Variants in BLTP3B observed in about 807,000 individuals in gnomAD.
BLTP3B encodes the protein UHRF1 (ICBP90) binding protein 1-like.
the BLTP3B span, among the ~76,000 whole-genome samples, chr12:100,113,636 T>G: frequency 6.6e-6 from 1 of 151,934 alleles, no homozygotes; most frequent in Non-Finnish European, 1.5e-5. Context: ...ATATGAGTAA[T>G]AACTCAGTAA....
At chr12:100,048,315 C>T in the BLTP3B span, 3 of 1,113,054 alleles carry the variant, frequency 2.7e-6, no homozygotes, top group South Asian at 2.0e-5. Context: ...TTAAATGATA[C>T]TCTATAGTAC....
At chr12:100,139,631 A>G in the BLTP3B span, among the ~76,000 whole-genome samples, 69 of 152,306 alleles carry the variant, frequency 4.5e-4, no homozygotes, top group Non-Finnish European at 7.6e-4. Flanking sequence ...AATCTATAAG[A>G]ATATTGGCAG....
the BLTP3B span, chr12:100,060,079 T>G: frequency 1.3e-3 from 1,945 of 1,499,864 alleles, 29 homozygotes; most frequent in African/African-American, 0.026. Flanking sequence ...AATTTTTAAT[T>G]GGATGGTTCT....
chr12:100,097,490 C>G, the BLTP3B span: 1 of 1,610,712 alleles, frequency 6.2e-7, no homozygotes, highest in African/African-American at 1.3e-5. Context: ...CAATTTATTT[C>G]TTTAAAAGTC....
the BLTP3B span, among the ~76,000 whole-genome samples, chr12:100,056,815 C>A: frequency 6.7e-6 from 1 of 148,244 alleles, no homozygotes. Flanking sequence ...CCAGCCTGGG[C>A]GACAGAGTGA....
the BLTP3B span, chr12:100,098,296 T>C: frequency 6.7e-7 from 1 of 1,498,208 alleles, no homozygotes; most frequent in South Asian, 1.3e-5. Context: ...TTTTTAATCG[T>C]CCTCTTTTAC....
the BLTP3B span, among the ~76,000 whole-genome samples, chr12:100,084,888 C>T: frequency 6.6e-6 from 1 of 152,092 alleles, no homozygotes; most frequent in Non-Finnish European, 1.5e-5. Context: ...AGTACCCATT[C>T]TTAGTAGAAA....
At chr12:100,137,349 C>A in the BLTP3B span, among the ~76,000 whole-genome samples, 1 of 152,182 alleles carries the variant, frequency 6.6e-6, no homozygotes, top group Non-Finnish European at 1.5e-5. Flanking sequence ...ATCCCATCAA[C>A]ACAAAGTGAG....
chr12:100,049,741 T>C, the BLTP3B span, among the ~76,000 whole-genome samples: 14 of 152,190 alleles, frequency 9.2e-5, no homozygotes, highest in Non-Finnish European at 1.3e-4. Flanking sequence ...TTCTTTCCCA[T>C]AGCAAGAAAA....
At chr12:100,110,322 A>G in the BLTP3B span, among the ~76,000 whole-genome samples, 1 of 152,204 alleles carries the variant, frequency 6.6e-6, no homozygotes, top group Admixed American at 6.5e-5. Context: ...GAAATACAAC[A>G]ATCATTTAAC....
At chr12:100,053,295 T>C in the BLTP3B span, among the ~76,000 whole-genome samples, 3,195 of 151,778 alleles carry the variant, frequency 0.021, 120 homozygotes, top group African/African-American at 0.073. Flanking sequence ...ATCCCAGCTA[T>C]TCAGGAGGCT....
the BLTP3B span, chr12:100,050,306 C>T: frequency 6.2e-7 from 1 of 1,600,678 alleles, no homozygotes; most frequent in Non-Finnish European, 8.5e-7. Context: ...ATTTTAAATA[C>T]CACAACGGAC....
the BLTP3B span, among the ~76,000 whole-genome samples, chr12:100,042,947 G>A: frequency 6.6e-6 from 1 of 151,948 alleles, no homozygotes; most frequent in Admixed American, 6.6e-5. Context: ...TTACAGATGT[G>A]CGCCAAGACA....
the BLTP3B span, among the ~76,000 whole-genome samples, chr12:100,074,885 C>A: frequency 6.6e-6 from 1 of 152,070 alleles, no homozygotes; most frequent in African/African-American, 2.4e-5. Flanking sequence ...AATCGCACAC[C>A]TATAACTATC....
the BLTP3B span, among the ~76,000 whole-genome samples, chr12:100,090,242 G>A: frequency 6.6e-6 from 1 of 152,146 alleles, no homozygotes; most frequent in East Asian, 1.9e-4. Context: ...CTTTGAACTT[G>A]AATAACTAAA....
chr12:100,099,320 ATG>A, the BLTP3B span, among the ~76,000 whole-genome samples: 1 of 145,186 alleles, frequency 6.9e-6, no homozygotes, highest in Admixed American at 6.9e-5. Context: ...GAAAAAATAA[ATG>A]TTTTTTATTA....
At chr12:100,081,304 C>T in the BLTP3B span, among the ~76,000 whole-genome samples, 1 of 152,262 alleles carries the variant, frequency 6.6e-6, no homozygotes, top group East Asian at 1.9e-4. Context: ...ATGGATGTGA[C>T]TTTAATATAT....
chr12:100,057,700 C>T, the BLTP3B span: 2 of 1,611,874 alleles, frequency 1.2e-6, no homozygotes, highest in Non-Finnish European at 1.7e-6. Context: ...TTATAAGAAA[C>T]ACAGAGAGGA....
the BLTP3B span, among the ~76,000 whole-genome samples, chr12:100,074,413 A>G: frequency 6.6e-6 from 1 of 152,180 alleles, no homozygotes; most frequent in Non-Finnish European, 1.5e-5. Flanking sequence ...AGCGTGGCCA[A>G]CATGGCGAAA....
Sources: allele counts gnomAD v4.1 joint callset (sites outside exome capture counted in the v4.1 genomes callset), GRCh38; gene constraint gnomAD v4.1.1; transcripts MANE v1.5; gene names NCBI Gene and HGNC (gene_info 2026-07-23, HGNC 2026-07-21).